Variants in RAPGEF6 observed in about 807,000 individuals in gnomAD.
The protein encoded by RAPGEF6 is Rap guanine nucleotide exchange factor 6, also known as PDZ domain containing guanine nucleotide exchange factor (GEF) 2.
A neutral mutation model predicts 171.4 loss-of-function variants in RAPGEF6; 56 were observed. That is an observed-to-expected ratio of 0.33 (90% CI 0.26 to 0.41). The LOEUF is 0.41. Among genes scored for constraint, RAPGEF6 ranks in the 10% least tolerant of loss-of-function variants. The probability of loss-of-function intolerance (pLI) is 1.00; values close to 1 mark genes in which losing one functional copy is unlikely to be tolerated. For synonymous variants in RAPGEF6, 692 were observed against 650.1 expected (o/e 1.06, Z -0.98); for missense variants, 1,674 against 1,921.4 (o/e 0.87, Z 2.41).
intron 5 of RAPGEF6, among the ~76,000 whole-genome samples, chr5:131,559,183 G>A (rs1204553563): frequency 6.6e-6 from 1 of 152,018 alleles, no homozygotes; most frequent in East Asian, 1.9e-4. Flanking sequence ...ACAAAAATTA[G>A]CTGCACGTGG....
chr5:131,509,645 CACAG>C (rs1409858815), intron 8 of RAPGEF6, among the ~76,000 whole-genome samples: 1 of 152,108 alleles, frequency 6.6e-6, no homozygotes, highest in East Asian at 1.9e-4. Flanking sequence ...AAAGCAAATT[CACAG>C]ACACTGAACA....
At position 131,471,916 on chromosome 5, in the gene RAPGEF6, G is replaced by T. The variant is rs1281252617; in HGVS notation, c.2239+671C>A. Among the ~76,000 whole-genome samples the T allele has an allele frequency of 2.0e-5, 3 of 152,140 alleles. No individual in the cohort carries two copies. The East Asian group carries it at 5.8e-4, about 29-fold the overall frequency. ...CTGTGTATTATAGAAAAAGGTAAGT[G>T]AGGCCACTTAGATTAAAATAATCTC... is the stretch of plus-strand genomic sequence containing the variant. On this transcript the variant is annotated intron_variant, in intron 17 of 27. Transcript: ENST00000509018.
At chr5:131,453,323 ACATGGTTCAACCCT>A in intron 20 of RAPGEF6, 146 bp from the exon 21 acceptor site, 1 of 1,343,142 alleles carries the variant, frequency 7.4e-7, no homozygotes, top group South Asian at 1.6e-5. Context: ...GTATACCCAT[ACATGGTTCAACCCT>A]GCTCTTAGGG....
intron 6 of RAPGEF6, among the ~76,000 whole-genome samples, chr5:131,541,455 G>T (rs966058832): frequency 2.0e-5 from 3 of 152,104 alleles, no homozygotes; most frequent in African/African-American, 7.2e-5. Context: ...AGATAAACTG[G>T]AGCTAAATAA....
At chr5:131,545,977 C>T (rs1336134247) in intron 6 of RAPGEF6, among the ~76,000 whole-genome samples, 1 of 152,194 alleles carries the variant, frequency 6.6e-6, no homozygotes, top group African/African-American at 2.4e-5. Flanking sequence ...GCCTATTGCT[C>T]TTTCTGATCC....
Position 131,436,415 on chromosome 5 carries a change from C to A in RAPGEF6, c.3746-2757G>T. ...AGAGATGCAAAAACCCTGACATGGT[C>A]AATCACAATTAGCCTTGTTTACATA... On this transcript the variant is annotated intron_variant, in intron 24 of 27. Transcript: ENST00000509018. 3 of 1,492,898 alleles carry A rather than the reference C, an allele frequency of 2.0e-6. No homozygotes were observed. The South Asian group carries it at 3.7e-5, about 18-fold the overall frequency. 92.5% of individuals were successfully genotyped at this position (1,492,898 alleles called of 1,614,324 possible). A position where few individuals can be genotyped will look rare whatever the true frequency, so the allele number is the denominator to read the frequency against.
intron 4 of RAPGEF6, among the ~76,000 whole-genome samples, chr5:131,576,724 T>C (rs1762626065): frequency 6.6e-6 from 1 of 152,190 alleles, no homozygotes; most frequent in South Asian, 2.1e-4. Context: ...CTATTACTTA[T>C]CAATCCCTTC....
At chr5:131,443,696 T>C (rs1354823943) in intron 22 of RAPGEF6, among the ~76,000 whole-genome samples, 1 of 152,222 alleles carries the variant, frequency 6.6e-6, no homozygotes, top group African/African-American at 2.4e-5. Flanking sequence ...TTACCTTTCC[T>C]CTCACCAGTC....
intron 19 of RAPGEF6, among the ~76,000 whole-genome samples, chr5:131,457,545 C>T (rs115148651): frequency 6.6e-6 from 1 of 152,154 alleles, no homozygotes; most frequent in African/African-American, 2.4e-5. Context: ...CTCCTGCTAC[C>T]GTGGAATACT....
chr5:131,590,489 G>C (rs1038905409), intron 4 of RAPGEF6, among the ~76,000 whole-genome samples: 2 of 152,142 alleles, frequency 1.3e-5, no homozygotes, highest in African/African-American at 4.8e-5. Context: ...AAAATTACTT[G>C]ATGCTTAATA....
intron 1 of RAPGEF6, among the ~76,000 whole-genome samples, chr5:131,624,468 T>A (rs1046946196): frequency 2.0e-5 from 3 of 152,068 alleles, no homozygotes; most frequent in African/African-American, 7.2e-5. Flanking sequence ...AGAACCAAGG[T>A]AGCTTCATAG....
chr5:131,557,263 C>T (rs1437180823), intron 5 of RAPGEF6, among the ~76,000 whole-genome samples: 1 of 151,980 alleles, frequency 6.6e-6, no homozygotes, highest in African/African-American at 2.4e-5. Context: ...GATCTAAAAA[C>T]AACTTTTTAA....
chr5:131,426,344 T>C lies in RAPGEF6; in HGVS notation c.*922A>G, dbSNP rs1345770372. On this transcript the variant is annotated 3_prime_UTR_variant, in exon 28 of 28. Coordinates refer to ENST00000509018, the MANE Select transcript of RAPGEF6 (RefSeq NM_016340.6). ...TCCATACTTGAGTTATGAGAGATTTTAGTTTTGGGTTTCTATAGACCAGAA... is the reference window on the plus strand; with the variant it reads ...TCCATACTTGAGTTATGAGAGATTTCAGTTTTGGGTTTCTATAGACCAGAA... The C allele has an allele frequency of 2.0e-5, 3 of 152,396 alleles. No homozygotes were observed. The highest frequency in any genetic ancestry group is 4.4e-5 in the Non-Finnish European group (3 of 68,042). 9.4% of individuals were successfully genotyped at this position (152,396 alleles called of 1,614,324 possible).
At chr5:131,551,234 C>A (rs1760903195) in intron 5 of RAPGEF6, among the ~76,000 whole-genome samples, 1 of 152,166 alleles carries the variant, frequency 6.6e-6, no homozygotes. Flanking sequence ...AATTCACAGG[C>A]TGGGCAGGGT....
chr5:131,551,645 T>G (rs754345971), intron 5 of RAPGEF6, among the ~76,000 whole-genome samples: 3 of 152,168 alleles, frequency 2.0e-5, no homozygotes, highest in Non-Finnish European at 2.9e-5. Flanking sequence ...TAGACAAAAG[T>G]CCAATATTAC....
At chr5:131,428,103 A>G (rs1417709420) in intron 27 of RAPGEF6, among the ~76,000 whole-genome samples, 1 of 151,874 alleles carries the variant, frequency 6.6e-6, no homozygotes, top group Non-Finnish European at 1.5e-5. Context: ...ACCTTGTCTC[A>G]ACAAACAAAC....
At chr5:131,507,985 C>A in intron 9 of RAPGEF6, 86 bp downstream of exon 9, 2 of 1,256,928 alleles carry the variant, frequency 1.6e-6, no homozygotes, top group Non-Finnish European at 2.1e-6. Flanking sequence ...AATCAGTACT[C>A]AAAAATCAGG....
intron 1 of RAPGEF6, among the ~76,000 whole-genome samples, chr5:131,625,659 C>CA: frequency 6.6e-6 from 1 of 152,000 alleles, no homozygotes; most frequent in Middle Eastern, 3.4e-3. Context: ...ACTAAAAATA[C>CA]AAAAAAATTA....
chr5:131,504,583 T>C (rs371698881), intron 11 of RAPGEF6, 43 bp downstream of exon 11: 21 of 1,513,052 alleles, frequency 1.4e-5, no homozygotes, highest in Middle Eastern at 1.8e-4. Context: ...GCTTTGATGA[T>C]AGAATAAAAT....
Sources: allele counts gnomAD v4.1 joint callset (sites outside exome capture counted in the v4.1 genomes callset), GRCh38; gene constraint gnomAD v4.1.1; transcripts MANE v1.5; gene names NCBI Gene and HGNC (gene_info 2026-07-23, HGNC 2026-07-21).